SYNPO: variants seen among roughly 807,000 people sequenced by gnomAD.
SYNPO encodes synaptopodin.
SYNPO carries 19 observed loss-of-function variants against 49.5 expected under a neutral mutation model. The ratio of observed to expected loss-of-function variants is 0.38; its 90% CI spans 0.27 to 0.56. The LOEUF is 0.56. Among genes scored for constraint, SYNPO ranks in the 20% least tolerant of loss-of-function variants. The pLI is 0.68. For synonymous variants in SYNPO, 536 were observed against 548.0 expected, an observed-to-expected ratio of 0.98 and a Z score of 0.31; for missense variants, 1,131 against 1,248.3, an observed-to-expected ratio of 0.91 and a Z score of 1.42.
chr5:150,625,269 C>G (rs1476869876), intron 2 of SYNPO, among the ~76,000 whole-genome samples: 1 of 152,230 alleles, frequency 6.6e-6, no homozygotes, highest in Non-Finnish European at 1.5e-5. Context: ...AGTCTGTCTC[C>G]CCAAGCCCGT....
chr5:150,640,601 G>A (rs983805227), upstream of SYNPO: 8 of 968,232 alleles, frequency 8.3e-6, no homozygotes, highest in South Asian at 4.8e-5. Flanking sequence ...GTAGATTGGC[G>A]GGGGAGAGAC....
chr5:150,657,160 G>A lies in SYNPO; in HGVS notation c.*73G>A. ...TCATTAGACCTGGGGGACCCAAAGG[G>A]TCTGGCCTCTTTGGGCAGCCCCAGA... On this transcript the variant is annotated 3_prime_UTR_variant, in exon 3 of 3. Coordinates refer to ENST00000307662, the MANE Select transcript of SYNPO (RefSeq NM_007286.6). The A allele has an allele frequency of 6.8e-7, 1 of 1,474,378 alleles. No homozygotes were observed. The highest frequency in any genetic ancestry group is 9.1e-7 in the Non-Finnish European group (1 of 1,102,520). The allele number at this position is 1,474,378 out of a possible 1,614,324, so 91.3% of individuals were successfully genotyped here.
chr5:150,641,474 G>A (rs1206757617), intron 1 of SYNPO, among the ~76,000 whole-genome samples: 2 of 152,126 alleles, frequency 1.3e-5, no homozygotes, highest in Admixed American at 1.3e-4. Flanking sequence ...TCCCATTGAC[G>A]GCATCGTGTG....
rs1284759349 is a variant in SYNPO at position 150,614,602 on chromosome 5, T to A, written c.-265-3501T>A. The A allele has an allele frequency of 2.6e-5, 4 of 152,230 alleles. No individual in the cohort carries two copies. The East Asian group carries it at 7.7e-4, about 29-fold the overall frequency. The allele number at this position is 152,230 out of a possible 1,614,324, so 9.4% of individuals were successfully genotyped here. On this transcript the variant is annotated intron_variant, in intron 1 of 2. Coordinates refer to the SYNPO transcript ENST00000394243. ...TGCAGGTAAATCCTTCCCCTCTGGG[T>A]TCAGAGTTCTCCTCTCTGAGATGAG...
rs1758657591 is a variant in SYNPO at position 150,658,733 on chromosome 5, G to A, written c.*1646G>A. ...GATGTTAGATCTGGAACCCCCAAGT[G>A]AGGCTGGAGGGAGTTAAGGTCAGTA... On this transcript the variant is annotated 3_prime_UTR_variant, in exon 3 of 3. Transcript: ENST00000307662. 6.6e-6 allele frequency: 1 copy of A among 152,514 alleles called. No individual in the cohort carries two copies. Among genetic ancestry groups the A allele is most frequent in the Non-Finnish European group, 1.5e-5 (1 of 68,160 alleles). The allele number at this position is 152,514 out of a possible 1,614,324, so 9.4% of individuals were successfully genotyped here. A position where few individuals can be genotyped will look rare whatever the true frequency, so the allele number is the denominator to read the frequency against.
the SYNPO span, among the ~76,000 whole-genome samples, chr5:150,590,403 G>A: frequency 6.6e-6 from 1 of 152,374 alleles, no homozygotes; most frequent in Middle Eastern, 3.4e-3. Flanking sequence ...AGAGGGCCAA[G>A]GGGCTGCTCC....
chr5:150,593,465 C>CT, the SYNPO span, among the ~76,000 whole-genome samples: 1 of 152,088 alleles, frequency 6.6e-6, no homozygotes, highest in African/African-American at 2.4e-5. Context: ...TGGCCTATTT[C>CT]TTTTTATTTT....
upstream of SYNPO, among the ~76,000 whole-genome samples, chr5:150,600,044 G>A (rs754154688): frequency 6.6e-6 from 1 of 152,198 alleles, no homozygotes; most frequent in Admixed American, 6.5e-5. Context: ...AAGCTCAGAA[G>A]AGCCGGGGTC....
chr5:150,656,750 C>T lies in SYNPO; in HGVS notation c.2375C>T (p.Pro792Leu). 1 of 1,167,756 alleles carries T rather than the reference C, an allele frequency of 8.6e-7. No individual in the cohort carries two copies. Among genetic ancestry groups the T allele is most frequent in the Non-Finnish European group, 1.0e-6 (1 of 956,808 alleles). The allele number at this position is 1,167,756 out of a possible 1,614,324, so 72.3% of individuals were successfully genotyped here. The change falls in exon 3 of 3, where the codon CCG (proline) becomes CTG (leucine). Residue 792 changes from proline (P) to leucine (L), a missense_variant. This residue lies in a region of SYNPO where 509 missense variants were observed against 484.5 expected (regional missense o/e 1.05). Transcript: ENST00000307662. ...PFSPPRAPPP[P>L]PPPPPPPPRM... ...TCCCCGCCGAGGGCGCCACCGCCCC[C>T]GCCCCCGCCCCCGCCCCCGCCCCCG...
rs201781685 is a variant in SYNPO at position 150,648,682 on chromosome 5, C to T, written c.407C>T (p.Thr136Ile). 5.6e-6 allele frequency: 9 copies of T among 1,614,222 alleles called. No individual in the cohort carries two copies. Among genetic ancestry groups the T allele is most frequent in the East Asian group, 2.2e-5 (1 of 44,886 alleles). ...ACAGGGCCTGCTTCCAAACCCAGCA[C>T]CCTGTGTGCTGATGGGCAACCCCAG... ...NGTGPASKPS[T>I]LCADGQPQAP... The change falls in exon 2 of 3, where the codon ACC becomes ATC. Residue 136 changes from threonine to isoleucine, a missense_variant. Physicochemically the swap from Thr to Ile is moderately conservative, Grantham distance 89 (BLOSUM62 -1). Transcript: ENST00000307662. The surrounding 1 kb of genome is among the most constrained non-coding windows in gnomAD (Gnocchi z 5.0).
upstream of SYNPO, among the ~76,000 whole-genome samples, chr5:150,639,052 C>T (rs947649539): frequency 1.3e-5 from 2 of 152,210 alleles, no homozygotes; most frequent in African/African-American, 4.8e-5. Flanking sequence ...GTTACCATCT[C>T]AAAGTTTCTA....
Position 150,650,116 on chromosome 5 carries a change from C to T in SYNPO, c.1841C>T (p.Pro614Leu). 1.2e-6 allele frequency: 2 copies of T among 1,613,274 alleles called. No homozygotes were observed. The highest frequency in any genetic ancestry group is 8.5e-7 in the Non-Finnish European group (1 of 1,179,788). Residue 614 changes from proline to leucine, a missense_variant, in exon 2 of 3, where the codon CCT becomes CTT. By Grantham distance (98) the Pro-to-Leu change is moderately conservative. Around this residue, in one of 4 missense-constraint regions of SYNPO, gnomAD observed 509 missense variants for 484.5 expected, o/e 1.05. Coordinates refer to ENST00000307662, the MANE Select transcript of SYNPO (RefSeq NM_007286.6). ...GCTCTCCCTCCATCTCCTGCCCTGC[C>T]TCGGCCCTCGCGCTCCTCACCGGGC... is the stretch of plus-strand genomic sequence containing the variant. ...KGALPPSPAL[P>L]RPSRSSPGLY...
intron 2 of SYNPO, 102 bp from the exon 3 acceptor site, chr5:150,656,302 C>T (rs1758547540): frequency 6.0e-6 from 6 of 993,542 alleles, no homozygotes; most frequent in Non-Finnish European, 8.6e-6. Flanking sequence ...GGTGGCTTCC[C>T]TTCTCGGTGT....
chr5:150,636,691 C>A (rs554640609), upstream of SYNPO, among the ~76,000 whole-genome samples: 1 of 152,274 alleles, frequency 6.6e-6, no homozygotes, highest in Non-Finnish European at 1.5e-5. Flanking sequence ...GGGTCAGCAG[C>A]CTCCAGCACC....
the SYNPO span, among the ~76,000 whole-genome samples, chr5:150,591,003 G>A: frequency 3.3e-5 from 5 of 152,186 alleles, no homozygotes; most frequent in African/African-American, 1.2e-4. Flanking sequence ...TAATTCCAAG[G>A]CTGTCTTCTG....
upstream of SYNPO, among the ~76,000 whole-genome samples, chr5:150,598,825 T>TG (rs1166441021): frequency 7.3e-6 from 1 of 137,556 alleles, no homozygotes; most frequent in Non-Finnish European, 1.6e-5. Flanking sequence ...CTGATGGTGG[T>TG]GGGGAGGGAG....
chr5:150,595,029 G>A, the SYNPO span, among the ~76,000 whole-genome samples: 6 of 152,160 alleles, frequency 3.9e-5, no homozygotes, highest in African/African-American at 1.4e-4. Flanking sequence ...GGATTTCCAT[G>A]TAGGAAATAT....
the SYNPO span, among the ~76,000 whole-genome samples, chr5:150,592,114 G>C: frequency 6.6e-6 from 1 of 152,142 alleles, no homozygotes; most frequent in Non-Finnish European, 1.5e-5. Flanking sequence ...GCGGTGAGCT[G>C]AGATTGCTCC....
intron 2 of SYNPO, among the ~76,000 whole-genome samples, chr5:150,655,802 G>A (rs1341483615): frequency 2.0e-5 from 3 of 152,132 alleles, no homozygotes; most frequent in East Asian, 1.9e-4. Context: ...ACAGGCACGC[G>A]CCACCGTGCC....
Sources: allele counts gnomAD v4.1 joint callset (sites outside exome capture counted in the v4.1 genomes callset), GRCh38; gene constraint gnomAD v4.1.1; regional missense constraint gnomAD v4.1.1; non-coding constraint Gnocchi (gnomAD v3.1); transcripts MANE v1.5; gene names NCBI Gene and HGNC (gene_info 2026-07-23, HGNC 2026-07-21).